The following VGLL3 variants were observed in gnomAD, a reference collection of about 807,000 sequenced individuals.
VGLL3 encodes transcription cofactor vestigial-like protein 3.
Under a neutral mutation model 29.2 loss-of-function variants are expected in VGLL3, and 18 were observed. That is an observed-to-expected ratio of 0.62 (90% CI 0.43 to 0.91). The LOEUF (loss-of-function observed/expected upper bound fraction) is 0.91. Ranked by LOEUF, VGLL3 falls within the 40% of genes least tolerant of loss-of-function variation. The probability of loss-of-function intolerance (pLI) is 0.00; values close to 1 mark genes in which losing one functional copy is unlikely to be tolerated. For missense variants in VGLL3, 440 were observed against 413.2 expected (o/e 1.06, Z -0.56); for synonymous variants, 180 against 151.8 (o/e 1.19, Z -1.36).
In VGLL3 at chr3:86,938,205, A is replaced by G. The variant is rs987253467; in HGVS notation, c.*8819T>C. Reference sequence around the variant, plus strand: ...AAGGTATACGATATGATGATTTGATATAGGTAAACATTGTGTAATCATTAT... The same window carrying G: ...AAGGTATACGATATGATGATTTGATGTAGGTAAACATTGTGTAATCATTAT... On this transcript the variant is annotated 3_prime_UTR_variant, in exon 4 of 4. Coordinates refer to ENST00000398399, the MANE Select transcript of VGLL3 (RefSeq NM_016206.4). The G allele has an allele frequency of 1.3e-5, 2 of 152,264 alleles. No individual in the cohort carries two copies. The highest frequency in any genetic ancestry group is 4.8e-5 in the African/African-American group (2 of 41,466). The allele number at this position is 152,264 out of a possible 1,614,324, so 9.4% of individuals were successfully genotyped here.
Position 86,946,609 on chromosome 3 carries a change from T to C in VGLL3, c.*415A>G, listed in dbSNP as rs1704511716. 6.5e-6 allele frequency: 1 copy of C among 154,666 alleles called. No individual in the cohort carries two copies. Among genetic ancestry groups the C allele is most frequent in the African/African-American group, 2.4e-5 (1 of 41,520 alleles). 9.6% of individuals were successfully genotyped at this position (154,666 alleles called of 1,614,324 possible). A position where few individuals can be genotyped will look rare whatever the true frequency, so the allele number is the denominator to read the frequency against. ...ATAGCCCATCAATGCTAAACCAAAC[T>C]TTTTGTATTTCTACAAAAATAGATG... is the stretch of plus-strand genomic sequence containing the variant. On this transcript the variant is annotated 3_prime_UTR_variant, in exon 4 of 4. Transcript: ENST00000398399.
intron 1 of VGLL3, among the ~76,000 whole-genome samples, chr3:86,980,127 C>T (rs1705293582): frequency 7.1e-6 from 1 of 140,214 alleles, no homozygotes; most frequent in Non-Finnish European, 1.6e-5. Flanking sequence ...TTGATCATAC[C>T]TTTTTTTTTT....
intron 1 of VGLL3, among the ~76,000 whole-genome samples, chr3:86,981,760 C>T (rs921500001): frequency 2.0e-5 from 3 of 152,002 alleles, no homozygotes; most frequent in Non-Finnish European, 4.4e-5. Flanking sequence ...TCTACCGTTG[C>T]CACTTGCAAT....
In VGLL3 at chr3:86,990,798, G is replaced by A. The variant is rs1046222794; in HGVS notation, c.-55C>T. ...TGCCGCCGCCGCTCTACGCGCTGGC[G>A]CGAGGGGCGCGGGCGCCGCCGCCGC... is the stretch of plus-strand genomic sequence containing the variant. On this transcript the variant is annotated 5_prime_UTR_variant, in exon 1 of 4. Transcript: ENST00000398399. 2.6e-4 allele frequency: 315 copies of A among 1,233,564 alleles called. No homozygotes were observed. The highest frequency in any genetic ancestry group is 3.0e-4 in the Non-Finnish European group (298 of 982,486). The allele number at this position is 1,233,564 out of a possible 1,614,324, so 76.4% of individuals were successfully genotyped here.
At position 86,944,955 on chromosome 3, in the gene VGLL3, G is replaced by A. The variant is rs776197722; in HGVS notation, c.*2069C>T. 17 of 152,162 alleles carry A rather than the reference G, an allele frequency of 1.1e-4. No homozygotes were observed. The highest frequency in any genetic ancestry group is 5.2e-4 in the Admixed American group (8 of 15,274). 9.4% of individuals were successfully genotyped at this position (152,162 alleles called of 1,614,324 possible). On this transcript the variant is annotated 3_prime_UTR_variant, in exon 4 of 4. Coordinates refer to ENST00000398399, the MANE Select transcript of VGLL3 (RefSeq NM_016206.4). ...CCTTTGAAAACTCAGAAGGACACAA[G>A]GCAAATCCAGATTTATAAATTCACT...
chr3:86,957,502 A>G (rs1375554260), intron 3 of VGLL3, among the ~76,000 whole-genome samples: 2 of 152,214 alleles, frequency 1.3e-5, no homozygotes, highest in African/African-American at 4.8e-5. Flanking sequence ...TCTAGAAAAC[A>G]CAAGCTCATT....
chr3:86,953,409 T>C (rs1359541808), intron 3 of VGLL3, among the ~76,000 whole-genome samples: 2 of 151,664 alleles, frequency 1.3e-5, no homozygotes, highest in Admixed American at 6.6e-5. Flanking sequence ...ATCTTTTAGA[T>C]AGACACACAC....
chr3:86,961,191 G>A (rs556651358), intron 3 of VGLL3, among the ~76,000 whole-genome samples: 1 of 152,068 alleles, frequency 6.6e-6, no homozygotes, highest in African/African-American at 2.4e-5. Flanking sequence ...ACAATCTCAT[G>A]CCATGAGCAG....
chr3:86,969,235 T>A, intron 2 of VGLL3, 112 bp from the exon 3 acceptor site: 2 of 1,276,706 alleles, frequency 1.6e-6, no homozygotes, highest in Non-Finnish European at 2.1e-6. Flanking sequence ...GCAGTCAAAT[T>A]AGCATGCACT....
At chr3:86,962,563 A>T (rs1311062564) in intron 3 of VGLL3, 2 of 972,756 alleles carry the variant, frequency 2.1e-6, no homozygotes, top group African/African-American at 3.5e-5. Context: ...TTAAAAAACA[A>T]AAATTTAAAT....
chr3:86,954,854 T>C (rs1704684909), intron 3 of VGLL3, among the ~76,000 whole-genome samples: 1 of 148,792 alleles, frequency 6.7e-6, no homozygotes, highest in Admixed American at 6.6e-5. Flanking sequence ...GAATACTCTT[T>C]GTAATTTCTT....
intron 3 of VGLL3, chr3:86,963,019 C>T (rs1274189741): frequency 6.3e-5 from 15 of 238,554 alleles, no homozygotes; most frequent in Middle Eastern, 6.5e-4. Context: ...TGGTTGAACT[C>T]GGGAGGCAGA....
chr3:86,965,279 G>A (rs189729643), intron 3 of VGLL3, among the ~76,000 whole-genome samples: 11 of 152,040 alleles, frequency 7.2e-5, no homozygotes, highest in East Asian at 1.9e-4. Flanking sequence ...TAATGGTCCC[G>A]GTCACCTGGA....
At position 86,949,579 on chromosome 3, in the gene VGLL3, C is replaced by T. The variant is rs1704572616; in HGVS notation, c.938-2512G>A. 2.6e-5 allele frequency among the ~76,000 whole-genome samples: 4 copies of T among 151,698 alleles called. No homozygotes were observed. The South Asian group carries it at 8.3e-4, about 32-fold the overall frequency. On this transcript the variant is annotated intron_variant, in intron 3 of 3. Coordinates refer to ENST00000398399, the MANE Select transcript of VGLL3 (RefSeq NM_016206.4). Reference sequence around the variant, plus strand: ...CGGTGGCTCATGTCTGTAATCTCAGCACTTTGGGAAGCCGAGGCGGGCGGA... The same window carrying T: ...CGGTGGCTCATGTCTGTAATCTCAGTACTTTGGGAAGCCGAGGCGGGCGGA...
rs748174014 is a variant in VGLL3, at chr3:86,978,800, C to T, written c.129G>A (p.Lys43=). The change falls in exon 2 of 4, where the codon AAG becomes AAA. Residue 43 remains lysine (K), a splice_region_variant and synonymous_variant. Transcript: ENST00000398399. ...GCATCTTGCTGAATACCGCTAACTT[C>T]TTCTGGGATGGAATAAACAAAACAC... ...YQPAPQPGQQ[K]KLAVFSKMQD... The T allele has an allele frequency of 8.8e-6, 14 of 1,599,034 alleles. No homozygotes were observed. The Middle Eastern group carries it at 6.7e-4, about 76-fold the overall frequency.
At chr3:86,972,374 G>A (rs1352741338) in intron 2 of VGLL3, among the ~76,000 whole-genome samples, 1 of 152,106 alleles carries the variant, frequency 6.6e-6, no homozygotes, top group Non-Finnish European at 1.5e-5. Context: ...AAAGATCTAT[G>A]CAGCCCTTTA....
intron 1 of VGLL3, among the ~76,000 whole-genome samples, chr3:86,983,864 CAA>C (rs1705380694): frequency 6.6e-6 from 1 of 152,150 alleles, no homozygotes; most frequent in African/African-American, 2.4e-5. Context: ...TAAGTATTCC[CAA>C]GTAATAAGTT....
Position 86,990,001 on chromosome 3 carries a change from G to T in VGLL3, c.126+617C>A, listed in dbSNP as rs547971226. Among the ~76,000 whole-genome samples the T allele has an allele frequency of 3.3e-5, 5 of 152,208 alleles. No individual in the cohort carries two copies. The South Asian group carries it at 1.0e-3, about 32-fold the overall frequency. ...GACCCACTGTCAACAGACTGAACAC[G>T]TACAAACTCTGTGCTTTGCTGGAAT... On this transcript the variant is annotated intron_variant, in intron 1 of 3. Coordinates refer to ENST00000398399, the MANE Select transcript of VGLL3 (RefSeq NM_016206.4).
intron 1 of VGLL3, among the ~76,000 whole-genome samples, chr3:86,980,017 C>A (rs148834235): frequency 7.9e-5 from 12 of 151,980 alleles, no homozygotes; most frequent in African/African-American, 2.7e-4. Flanking sequence ...AACTTCAATG[C>A]GAATTACATA....
Sources: gnomAD v4.1 joint callset for allele counts (sites outside exome capture counted in the v4.1 genomes callset) on GRCh38, gnomAD v4.1.1 for gene constraint, MANE v1.5 for transcripts, NCBI Gene and HGNC (gene_info 2026-07-23, HGNC 2026-07-21) for gene names.